Variants in SLCO3A1 observed in about 807,000 individuals in gnomAD.
The protein encoded by SLCO3A1 is PGE1 transporter.
Under a neutral mutation model 63.1 loss-of-function variants are expected in SLCO3A1, and 27 were observed. That is an observed-to-expected ratio of 0.43 (90% CI 0.32 to 0.59). The LOEUF (loss-of-function observed/expected upper bound fraction) is 0.59, where lower values mean the gene tolerates loss of function less well. Among genes scored for constraint, SLCO3A1 ranks in the 20% least tolerant of loss-of-function variants. The probability of loss-of-function intolerance (pLI) is 0.09; values close to 1 mark genes in which losing one functional copy is unlikely to be tolerated. For synonymous variants in SLCO3A1, 473 were observed against 409.9 expected, an observed-to-expected ratio of 1.15 and a Z score of -1.86; for missense variants, 773 against 945.8, an observed-to-expected ratio of 0.82 and a Z score of 2.40.
At chr15:92,000,777 C>T (rs1159998188) in intron 2 of SLCO3A1, among the ~76,000 whole-genome samples, 1 of 152,222 alleles carries the variant, frequency 6.6e-6, no homozygotes, top group African/African-American at 2.4e-5. Flanking sequence ...AGGTCTGTCC[C>T]TGTGTACCGG....
At chr15:91,880,035 G>A (rs1405476406) in intron 1 of SLCO3A1, among the ~76,000 whole-genome samples, 4 of 151,966 alleles carry the variant, frequency 2.6e-5, no homozygotes, top group African/African-American at 9.7e-5. Context: ...CTTTCATTTA[G>A]TCTCCTTGGA....
At chr15:91,972,620 A>G (rs2151429939) in intron 2 of SLCO3A1, among the ~76,000 whole-genome samples, 1 of 152,304 alleles carries the variant, frequency 6.6e-6, no homozygotes, top group East Asian at 1.9e-4. Flanking sequence ...ACTGAGGCTC[A>G]AGGCACCAGG....
intron 2 of SLCO3A1, among the ~76,000 whole-genome samples, chr15:91,955,026 C>T (rs748048922): frequency 2.0e-5 from 3 of 152,128 alleles, no homozygotes; most frequent in Non-Finnish European, 4.4e-5. Flanking sequence ...GTCACCTTGT[C>T]GTCCTCTGCC....
chr15:92,006,438 G>A (rs2046313878), intron 2 of SLCO3A1, among the ~76,000 whole-genome samples: 1 of 152,150 alleles, frequency 6.6e-6, no homozygotes, highest in African/African-American at 2.4e-5. Context: ...GTGCTTTTTG[G>A]TTAGAGGCAT....
intron 2 of SLCO3A1, among the ~76,000 whole-genome samples, chr15:91,990,515 AG>A (rs1199681303): frequency 6.6e-6 from 1 of 151,836 alleles, no homozygotes; most frequent in African/African-American, 2.4e-5. Context: ...GGTGTCCTTA[AG>A]GCACTGTTCT....
In SLCO3A1 at chr15:92,163,824, A is replaced by T; in HGVS notation, c.*689A>T. On this transcript the variant is annotated 3_prime_UTR_variant, in exon 10 of 10. Coordinates refer to ENST00000318445, the MANE Select transcript of SLCO3A1 (RefSeq NM_013272.4). ...GTAATTGGCACCTCTCACCAGCTCC[A>T]TTTCCATGTTCAAGACTGAGGGCCT... is the stretch of plus-strand genomic sequence containing the variant. 1.0e-6 allele frequency: 1 copy of T among 985,422 alleles called. No individual in the cohort carries two copies. Among genetic ancestry groups the T allele is most frequent in the Non-Finnish European group, 1.2e-6 (1 of 829,984 alleles). The allele number at this position is 985,422 out of a possible 1,614,324, so 61.0% of individuals were successfully genotyped here. A position where few individuals can be genotyped will look rare whatever the true frequency, so the allele number is the denominator to read the frequency against.
intron 2 of SLCO3A1, among the ~76,000 whole-genome samples, chr15:91,975,804 GCCTACTTTC>G (rs1901085196): frequency 6.6e-6 from 1 of 152,216 alleles, no homozygotes; most frequent in Non-Finnish European, 1.5e-5. Context: ...AAGAGGAGCA[GCCTACTTTC>G]CCTAGCACAC....
In SLCO3A1 at chr15:91,872,971, G is replaced by C. The variant is rs544504629; in HGVS notation, c.180+18883G>C. Reference sequence around the variant, plus strand: ...CTGCTCCTGGCATGCAGCTACCTGCGTGCTCAGCACTCACCTGCGTTCCTG... The same window carrying C: ...CTGCTCCTGGCATGCAGCTACCTGCCTGCTCAGCACTCACCTGCGTTCCTG... On this transcript the variant is annotated intron_variant, in intron 1 of 9. Transcript: ENST00000318445. The surrounding 1 kb of genome is among the most constrained non-coding windows in gnomAD (Gnocchi z 4.1). 6.6e-6 allele frequency among the ~76,000 whole-genome samples: 1 copy of C among 152,166 alleles called. No individual in the cohort carries two copies.
intron 2 of SLCO3A1, among the ~76,000 whole-genome samples, chr15:92,006,816 C>G (rs2151458632): frequency 6.6e-6 from 1 of 152,320 alleles, no homozygotes; most frequent in East Asian, 1.9e-4. Context: ...CTTCATTAAG[C>G]TACCACTCCA....
rs1355893758 is a variant in SLCO3A1 at position 92,165,340 on chromosome 15, G to T, written c.*2205G>T. On this transcript the variant is annotated 3_prime_UTR_variant, in exon 10 of 10. Coordinates refer to ENST00000318445, the MANE Select transcript of SLCO3A1 (RefSeq NM_013272.4). The stretch of plus-strand genomic sequence containing the variant: ...CCACTTCATAAAATATGTATGTTCT[G>T]TTGTTCCTAAGGCTTTGATAATATC... 1.0e-6 allele frequency: 1 copy of T among 985,170 alleles called. No individual in the cohort carries two copies. The highest frequency in any genetic ancestry group is 1.2e-6 in the Non-Finnish European group (1 of 829,736). 61.0% of individuals were successfully genotyped at this position (985,170 alleles called of 1,614,324 possible). A position where few individuals can be genotyped will look rare whatever the true frequency, so the allele number is the denominator to read the frequency against.
chr15:91,923,002 G>T (rs573635678), intron 2 of SLCO3A1, among the ~76,000 whole-genome samples: 11 of 152,260 alleles, frequency 7.2e-5, no homozygotes, highest in African/African-American at 2.4e-4. Flanking sequence ...TCACCGCTGT[G>T]CCTGCTGCCT....
In SLCO3A1 at chr15:92,143,439, A is replaced by AT. The variant is rs1491266225; in HGVS notation, c.1513-3545_1513-3544insT. 7.2e-4 allele frequency among the ~76,000 whole-genome samples: 5 copies of AT among 6,932 alleles called. 1 individual carries two copies. Among genetic ancestry groups the AT allele is most frequent in the African/African-American group, 6.9e-3 (5 of 724 alleles). 4.5% of individuals were successfully genotyped at this position (6,932 alleles called of 152,430 possible). On this transcript the variant is annotated intron_variant, in intron 7 of 9. Coordinates refer to ENST00000318445, the MANE Select transcript of SLCO3A1 (RefSeq NM_013272.4). The stretch of plus-strand genomic sequence containing the variant: ...TATATTATATATATATAATATATAT[A>AT]ATATATATATAATATATATAATATA...
chr15:92,146,112 G>GATTC (rs2048218868), intron 7 of SLCO3A1, among the ~76,000 whole-genome samples: 1 of 152,160 alleles, frequency 6.6e-6, no homozygotes. Flanking sequence ...AATCATTTAT[G>GATTC]ATTGTTTTCA....
chr15:92,146,083 C>G (rs1449565249), intron 7 of SLCO3A1, among the ~76,000 whole-genome samples: 1 of 152,112 alleles, frequency 6.6e-6, no homozygotes, highest in Non-Finnish European at 1.5e-5. Context: ...GCCAAGCAGT[C>G]CTGGAAGGAA....
intron 2 of SLCO3A1, among the ~76,000 whole-genome samples, chr15:92,022,993 C>T (rs958663817): frequency 1.3e-5 from 2 of 151,644 alleles, no homozygotes; most frequent in Non-Finnish European, 2.9e-5. Flanking sequence ...CAGAAGTCAT[C>T]GAATCAACTG....
intron 2 of SLCO3A1, among the ~76,000 whole-genome samples, chr15:91,918,902 C>A (rs2151381428): frequency 6.6e-6 from 1 of 152,326 alleles, no homozygotes. Context: ...CCAGCTCCTG[C>A]AGAGTTGGTC....
Position 91,865,602 on chromosome 15 carries a change from G to T in SLCO3A1, c.180+11514G>T, listed in dbSNP as rs1364122078. Among the ~76,000 whole-genome samples, 1 of 152,130 alleles carries T rather than the reference G, an allele frequency of 6.6e-6. No homozygotes were observed. Among genetic ancestry groups the T allele is most frequent in the African/African-American group, 2.4e-5 (1 of 41,418 alleles). The stretch of plus-strand genomic sequence containing the variant: ...TCCTTGCCTCTTCATGGCATGTGGG[G>T]GTGGCCAAGGGTCCTTGGATTCCTT... On this transcript the variant is annotated intron_variant, in intron 1 of 9. Transcript: ENST00000318445. The surrounding 1 kb of genome is among the most constrained non-coding windows in gnomAD (Gnocchi z 4.6).
At position 91,967,201 on chromosome 15, in the gene SLCO3A1, G is replaced by C. The variant is rs1900691308; in HGVS notation, c.646+50743G>C. Reference sequence around the variant, plus strand: ...AGATTATTAGATGGTAGGAAACTATGTCTAAATAAACCCAGTGAGTTGTTA... The same window carrying C: ...AGATTATTAGATGGTAGGAAACTATCTCTAAATAAACCCAGTGAGTTGTTA... On this transcript the variant is annotated intron_variant, in intron 2 of 9. Transcript: ENST00000318445. This position sits in a 1 kb window ranked among gnomAD's most constrained non-coding sequence, Gnocchi z 4.4. 6.6e-6 allele frequency among the ~76,000 whole-genome samples: 1 copy of C among 152,158 alleles called. No individual in the cohort carries two copies. The highest frequency in any genetic ancestry group is 2.1e-4 in the South Asian group (1 of 4,830).
Position 91,875,061 on chromosome 15 carries a change from A to G in SLCO3A1, c.180+20973A>G, listed in dbSNP as rs1365490369. ...ACATCCACACCACTCCACATGAAACAGACATTTGCCGCCTTGAAGTTGGCA... is the reference window on the plus strand; with the variant it reads ...ACATCCACACCACTCCACATGAAACGGACATTTGCCGCCTTGAAGTTGGCA... On this transcript the variant is annotated intron_variant, in intron 1 of 9. Coordinates refer to ENST00000318445, the MANE Select transcript of SLCO3A1 (RefSeq NM_013272.4). The surrounding 1 kb of genome is among the most constrained non-coding windows in gnomAD (Gnocchi z 4.5). 1.3e-5 allele frequency among the ~76,000 whole-genome samples: 2 copies of G among 152,230 alleles called. No homozygotes were observed. The highest frequency in any genetic ancestry group is 1.9e-4 in the East Asian group (1 of 5,188).
Sources: gnomAD v4.1 joint callset for allele counts (sites outside exome capture counted in the v4.1 genomes callset) on GRCh38, gnomAD v4.1.1 for gene constraint, Gnocchi (gnomAD v3.1) non-coding constraint, MANE v1.5 for transcripts, NCBI Gene and HGNC (gene_info 2026-07-23, HGNC 2026-07-21) for gene names.